PCDH15: variants seen among roughly 807,000 people sequenced by gnomAD.
PCDH15 encodes the protein protocadherin related 15, also known as protocadherin-15.
Under a neutral mutation model 178.5 loss-of-function variants are expected in PCDH15, and 129 were observed. The ratio of observed to expected loss-of-function variants is 0.72; its 90% CI spans 0.63 to 0.84. The LOEUF (loss-of-function observed/expected upper bound fraction) is 0.84. Ranked by LOEUF, PCDH15 falls within the 40% of genes least tolerant of loss-of-function variation. The pLI, the probability that PCDH15 is intolerant of heterozygous loss-of-function variation, is 0.00. For synonymous variants in PCDH15, 800 were observed against 732.0 expected, an observed-to-expected ratio of 1.09 and a Z score of -1.50; for missense variants, 2,230 against 2,099.9, an observed-to-expected ratio of 1.06 and a Z score of -1.21.
intron 9 of PCDH15, among the ~76,000 whole-genome samples, chr10:54,219,274 C>CAAA (rs995053736): frequency 6.6e-5 from 3 of 45,172 alleles, no homozygotes; most frequent in Non-Finnish European, 8.6e-5. Flanking sequence ...GACTTTGTCT[C>CAAA]AAAAAAAAAA....
At chr10:53,838,136 C>T (rs889162964) in intron 29 of PCDH15, among the ~76,000 whole-genome samples, 1 of 151,718 alleles carries the variant, frequency 6.6e-6, no homozygotes, top group Non-Finnish European at 1.5e-5. Flanking sequence ...CCACCATGCC[C>T]GGCTAATTTT....
At chr10:55,199,115 G>T (rs1840172826) in intron 1 of PCDH15, among the ~76,000 whole-genome samples, 2 of 152,072 alleles carry the variant, frequency 1.3e-5, no homozygotes, top group South Asian at 2.1e-4. Context: ...TGGCATAGCT[G>T]GGGGGCTCAG....
intron 2 of PCDH15, among the ~76,000 whole-genome samples, chr10:54,567,895 A>C (rs1186554601): frequency 1.3e-5 from 2 of 152,164 alleles, no homozygotes. Flanking sequence ...ACAGAAAAAG[A>C]AGCTTTCATC....
intron 2 of PCDH15, among the ~76,000 whole-genome samples, chr10:55,608,574 C>T (rs909687543): frequency 2.6e-5 from 4 of 151,852 alleles, no homozygotes; most frequent in African/African-American, 9.7e-5. Flanking sequence ...GTTACCAAAA[C>T]ACCATGGGTT....
chr10:55,581,717 T>C (rs1033266985), intron 2 of PCDH15, among the ~76,000 whole-genome samples: 2 of 152,180 alleles, frequency 1.3e-5, no homozygotes, highest in Non-Finnish European at 2.9e-5. Context: ...TAGACAACTG[T>C]CTGAAGGACC....
At chr10:54,026,066 G>T (rs1393460827) in intron 18 of PCDH15, among the ~76,000 whole-genome samples, 1 of 148,634 alleles carries the variant, frequency 6.7e-6, no homozygotes, top group African/African-American at 2.4e-5. Context: ...TATATTTTAG[G>T]ATGGGATTTT....
chr10:54,090,132 A>G, intron 15 of PCDH15, 69 bp from the exon 16 acceptor site: 1 of 1,212,152 alleles, frequency 8.2e-7, no homozygotes, highest in Admixed American at 1.7e-5. Context: ...AGAGTAATAT[A>G]AAAGCTTGAA....
At chr10:53,994,149 G>A (rs2091699968) in intron 21 of PCDH15, among the ~76,000 whole-genome samples, 1 of 152,086 alleles carries the variant, frequency 6.6e-6, no homozygotes, top group Non-Finnish European at 1.5e-5. Flanking sequence ...TTCGCACCTT[G>A]GTGGATGCGC....
intron 13 of PCDH15, among the ~76,000 whole-genome samples, chr10:54,178,421 G>A (rs1320331611): frequency 6.6e-6 from 1 of 152,102 alleles, no homozygotes; most frequent in East Asian, 1.9e-4. Context: ...TGGGAGTAGG[G>A]ATTAGACCAG....
intron 2 of PCDH15, among the ~76,000 whole-genome samples, chr10:54,612,200 A>G (rs1047007443): frequency 3.3e-5 from 5 of 151,862 alleles, no homozygotes; most frequent in African/African-American, 4.8e-5. Flanking sequence ...AATGAAATAA[A>G]ATCAGAAATT....
At chr10:55,423,018 A>C (rs1162019089) in intron 2 of PCDH15, among the ~76,000 whole-genome samples, 2 of 151,900 alleles carry the variant, frequency 1.3e-5, no homozygotes, top group African/African-American at 2.4e-5. Context: ...ATAAATTACT[A>C]AAAATAAGGA....
intron 2 of PCDH15, among the ~76,000 whole-genome samples, chr10:55,562,135 G>T (rs987201292): frequency 2.0e-5 from 3 of 151,826 alleles, no homozygotes; most frequent in Non-Finnish European, 2.9e-5. Flanking sequence ...TACAATTCAT[G>T]ATTTTGTCAG....
intron 21 of PCDH15, among the ~76,000 whole-genome samples, chr10:53,974,852 G>T (rs533108279): frequency 4.6e-5 from 7 of 152,146 alleles, no homozygotes; most frequent in Non-Finnish European, 7.4e-5. Flanking sequence ...TAATGCTGAG[G>T]TTTGGGGTAC....
At chr10:53,808,921 G>A (rs747037364) in intron 37 of PCDH15, 14 of 1,570,520 alleles carry the variant, frequency 8.9e-6, no homozygotes, top group East Asian at 2.4e-5. Flanking sequence ...TTCAGGGTCT[G>A]TACTTTCTTC....
intron 2 of PCDH15, among the ~76,000 whole-genome samples, chr10:55,105,943 T>A (rs1256132161): frequency 6.6e-6 from 1 of 152,154 alleles, no homozygotes; most frequent in Non-Finnish European, 1.5e-5. Flanking sequence ...AATCATTTTA[T>A]CCTGACTAGC....
intron 15 of PCDH15, among the ~76,000 whole-genome samples, chr10:54,103,754 C>T (rs1320530231): frequency 6.6e-6 from 1 of 152,138 alleles, no homozygotes; most frequent in Non-Finnish European, 1.5e-5. Context: ...ATTATTATAA[C>T]CTTTTTTTAA....
At chr10:54,810,814 G>A (rs2133728355) in intron 3 of PCDH15, among the ~76,000 whole-genome samples, 1 of 152,062 alleles carries the variant, frequency 6.6e-6, no homozygotes. Flanking sequence ...AATCAAATAT[G>A]GTTTTCTTTT....
chr10:54,071,544 T>C (rs1402809966), intron 17 of PCDH15, among the ~76,000 whole-genome samples: 1 of 152,160 alleles, frequency 6.6e-6, no homozygotes, highest in African/African-American at 2.4e-5. Context: ...GCTAGAAAAC[T>C]ATTTCTTTAT....
intron 3 of PCDH15, among the ~76,000 whole-genome samples, chr10:54,435,982 G>T (rs1233786187): frequency 1.5e-5 from 2 of 134,494 alleles, no homozygotes; most frequent in Non-Finnish European, 3.1e-5. Context: ...AAAAATGAAA[G>T]AAAGAAAAGA....
Sources: allele counts gnomAD v4.1 joint callset (sites outside exome capture counted in the v4.1 genomes callset), GRCh38; gene constraint gnomAD v4.1.1; transcripts MANE v1.5; gene names NCBI Gene and HGNC (gene_info 2026-07-23, HGNC 2026-07-21).